The following NOMO1 variants were observed in gnomAD, a reference collection of about 807,000 sequenced individuals.
NOMO1 encodes the protein NODAL modulator 1, also known as nodal modulator 3.
In NOMO1, 40 loss-of-function variants were observed where a neutral mutation model predicts 133.8. That is an observed-to-expected ratio of 0.30 (90% confidence interval 0.23 to 0.39). The LOEUF (loss-of-function observed/expected upper bound fraction) is 0.39, where lower values mean the gene tolerates loss of function less well. Ranked by LOEUF, NOMO1 falls within the 10% of genes least tolerant of loss-of-function variation. The pLI is 1.00. For missense variants in NOMO1, 462 were observed against 1,419.9 expected, an observed-to-expected ratio of 0.33 and a Z score of 10.84; for synonymous variants, 236 against 570.5, an observed-to-expected ratio of 0.41 and a Z score of 8.36.
intron 29 of NOMO1, 25 bp from the exon 30 acceptor site, chr16:14,894,973 G>C (rs753784954): frequency 6.2e-7 from 1 of 1,611,894 alleles, no homozygotes; most frequent in Non-Finnish European, 8.5e-7. Context: ...TTGGTGAGGA[G>C]TGATGGGGCT....
rs1306847267 is a variant in NOMO1 at position 14,857,512 on chromosome 16, A to G, written c.1077A>G (p.Thr359=). 1.9e-6 allele frequency: 3 copies of G among 1,609,956 alleles called. No individual in the cohort carries two copies. The highest frequency in any genetic ancestry group is 1.7e-5 in the Admixed American group (1 of 59,634). The stretch of plus-strand genomic sequence containing the variant: ...TGTGTTTTTGTTTTACAGTTAAAAC[A>G]AAAGCTGATGGCTCATTCCGCCTTG... ...VTLNNQIKVK[T]KADGSFRLEN... is the part of the protein sequence containing the mutation. Residue 359 remains threonine (T), a synonymous_variant, in exon 11 of 31, where the codon ACA becomes ACG. Coordinates refer to ENST00000287667, the MANE Select transcript of NOMO1 (RefSeq NM_014287.4).
At position 14,866,689 on chromosome 16, in the gene NOMO1, C is replaced by A; in HGVS notation, c.1804C>A (p.Leu602Met). 1 of 1,610,124 alleles carries A rather than the reference C, an allele frequency of 6.2e-7. No individual in the cohort carries two copies. The highest frequency in any genetic ancestry group is 8.5e-7 in the Non-Finnish European group (1 of 1,179,720). The change falls in exon 15 of 31, where the codon CTG (leucine) becomes ATG (methionine). Residue 602 changes from leucine (L) to methionine (M), a missense_variant and splice_region_variant. Physicochemically the swap from Leu to Met is conservative, Grantham distance 15. Transcript: ENST00000287667. ...LRCSLSHAIT[L>M]EFYQDGNGRE... is the part of the protein sequence containing the mutation. ...ATGTTCCCTGTCTCACGCCATCACT[C>A]TGGTATGTACGGCTTATTGAGTCTC...
chr16:14,863,018 G>A lies in NOMO1; in HGVS notation c.1226G>A (p.Ser409Asn), dbSNP rs1172595962. 1 of 1,610,698 alleles carries A rather than the reference G, an allele frequency of 6.2e-7. No homozygotes were observed. The highest frequency in any genetic ancestry group is 2.2e-5 in the East Asian group (1 of 44,792). Residue 409 changes from serine to asparagine, a missense_variant, in exon 12 of 31, where the codon AGT becomes AAT. Transcript: ENST00000287667. ...QLADIIATGF[S>N]VCGQISIIRF... Reference sequence around the variant, plus strand: ...GAATGGTCTTCTCTTTGCAGGTTCAGTGTCTGTGGTCAGATATCAATCATT... The same window carrying A: ...GAATGGTCTTCTCTTTGCAGGTTCAATGTCTGTGGTCAGATATCAATCATT...
At chr16:14,867,660 G>A (rs1395197855) in intron 15 of NOMO1, among the ~76,000 whole-genome samples, 1 of 148,826 alleles carries the variant, frequency 6.7e-6, no homozygotes, top group South Asian at 2.1e-4. Context: ...TTTTGATGTC[G>A]AGCGGCGGCA....
intron 28 of NOMO1, among the ~76,000 whole-genome samples, chr16:14,887,691 C>G (rs1217744403): frequency 2.0e-5 from 3 of 152,046 alleles, no homozygotes; most frequent in African/African-American, 4.8e-5. Context: ...TGGGCATGAT[C>G]GACTCTTGCA....
intron 11 of NOMO1, among the ~76,000 whole-genome samples, chr16:14,861,836 G>T (rs1370189420): frequency 6.5e-5 from 4 of 61,450 alleles, no homozygotes; most frequent in Non-Finnish European, 1.6e-4. Context: ...TCTTTCTTTT[G>T]ATTTTTTTTT....
At chr16:14,887,276 G>C (rs979522956) in intron 28 of NOMO1, among the ~76,000 whole-genome samples, 3 of 151,316 alleles carry the variant, frequency 2.0e-5, no homozygotes, top group Non-Finnish European at 4.4e-5. Context: ...TCACAAATCT[G>C]TTCCTCATCA....
chr16:14,842,115 G>A lies in NOMO1; in HGVS notation c.301+708G>A, dbSNP rs1012497026. On this transcript the variant is annotated intron_variant, in intron 3 of 30. Coordinates refer to ENST00000287667, the MANE Select transcript of NOMO1 (RefSeq NM_014287.4). ...TGCCTTCAAGCATAGCTGGGGAGTC[G>A]GGGATGGGGTTGAGATCAGAAGAGA... 7.9e-5 allele frequency among the ~76,000 whole-genome samples: 12 copies of A among 152,004 alleles called. No individual in the cohort carries two copies. In the East Asian group the frequency reaches 1.6e-3, roughly 20 times the overall value.
intron 1 of NOMO1, 149 bp from the exon 2 acceptor site, chr16:14,838,258 C>T: frequency 1.2e-6 from 1 of 814,188 alleles, no homozygotes. Context: ...TGTTGATTTC[C>T]CTCTGTCCCC....
chr16:14,881,144 A>C (rs1447225477), intron 24 of NOMO1, among the ~76,000 whole-genome samples: 2 of 152,170 alleles, frequency 1.3e-5, no homozygotes, highest in Non-Finnish European at 2.9e-5. Context: ...ATACAGAATC[A>C]CTTTAGAGGA....
intron 1 of NOMO1, among the ~76,000 whole-genome samples, chr16:14,836,559 C>T (rs893154730): frequency 1.4e-4 from 22 of 151,808 alleles, no homozygotes; most frequent in African/African-American, 5.1e-4. Context: ...AACTGAGCCT[C>T]AGAGTGGTTG....
intron 5 of NOMO1, among the ~76,000 whole-genome samples, chr16:14,847,807 A>T (rs1963704065): frequency 6.6e-6 from 1 of 152,064 alleles, no homozygotes; most frequent in African/African-American, 2.4e-5. Context: ...TCAATTTTAA[A>T]GTTATTATTG....
At chr16:14,884,567 T>C in intron 27 of NOMO1, 85 bp downstream of exon 27, 1 of 1,599,664 alleles carries the variant, frequency 6.3e-7, no homozygotes, top group Non-Finnish European at 8.5e-7. Context: ...GGTTTGTGCC[T>C]GTCTCGTGCC....
intron 29 of NOMO1, among the ~76,000 whole-genome samples, chr16:14,892,143 A>G: frequency 6.6e-6 from 1 of 151,578 alleles, no homozygotes; most frequent in Admixed American, 6.6e-5. Flanking sequence ...GCTACTCGAG[A>G]GGCTGTGGCA....
rs575239468 is a variant in NOMO1, at chr16:14,880,807, C to T, written c.2885+665C>T. Among the ~76,000 whole-genome samples, 4 of 151,404 alleles carry T rather than the reference C, an allele frequency of 2.6e-5. No individual in the cohort carries two copies. In the East Asian group the frequency reaches 7.7e-4, roughly 29 times the overall value. On this transcript the variant is annotated intron_variant, in intron 24 of 30. Transcript: ENST00000287667. ...GTAAAATTTCCCCTCTGTCTCGTCTCCTAGCCACCCAAGTTCCTCTTCTGG... is the reference window on the plus strand; with the variant it reads ...GTAAAATTTCCCCTCTGTCTCGTCTTCTAGCCACCCAAGTTCCTCTTCTGG...
At chr16:14,883,193 G>A (rs977654437) in intron 26 of NOMO1, among the ~76,000 whole-genome samples, 7 of 151,986 alleles carry the variant, frequency 4.6e-5, no homozygotes, top group Admixed American at 6.5e-5. Context: ...CTCTTACTGA[G>A]TAACTCTCAT....
chr16:14,883,173 T>G (rs1964269557), intron 26 of NOMO1, among the ~76,000 whole-genome samples: 1 of 151,934 alleles, frequency 6.6e-6, no homozygotes, highest in Non-Finnish European at 1.5e-5. Flanking sequence ...TCATTTGAAG[T>G]AAGGCTTTTC....
At chr16:14,857,474 T>C (rs766463785) in intron 10 of NOMO1, 31 bp from the exon 11 acceptor site, 13 of 1,607,950 alleles carry the variant, frequency 8.1e-6, no homozygotes, top group Non-Finnish European at 1.1e-5. Context: ...GTTTTTGGCT[T>C]ATCTTCTGTT....
At chr16:14,884,791 C>T (rs1284876592) in intron 27 of NOMO1, among the ~76,000 whole-genome samples, 1 of 151,984 alleles carries the variant, frequency 6.6e-6, no homozygotes, top group East Asian at 1.9e-4. Flanking sequence ...TGGAATCTAA[C>T]GTGGAAAGCC....
Sources: gnomAD v4.1 joint callset for allele counts (sites outside exome capture counted in the v4.1 genomes callset) on GRCh38, gnomAD v4.1.1 for gene constraint, MANE v1.5 for transcripts, NCBI Gene and HGNC (gene_info 2026-07-23, HGNC 2026-07-21) for gene names.